Variants in KCNH8 observed in about 807,000 individuals in gnomAD.
The protein encoded by KCNH8 is potassium voltage-gated channel subfamily H member 8.
A neutral mutation model predicts 103.6 loss-of-function variants in KCNH8; 70 were observed. The observed-to-expected ratio is 0.68, with a 90% confidence interval of 0.56 to 0.82. KCNH8 has a LOEUF of 0.82. Among genes scored for constraint, KCNH8 ranks in the 40% least tolerant of loss-of-function variants. The pLI, the probability that KCNH8 is intolerant of heterozygous loss-of-function variation, is 0.00. For synonymous variants in KCNH8, 498 were observed against 489.4 expected, an observed-to-expected ratio of 1.02 and a Z score of -0.23; for missense variants, 1,217 against 1,329.9, an observed-to-expected ratio of 0.92 and a Z score of 1.32.
intron 5 of KCNH8, among the ~76,000 whole-genome samples, chr3:19,365,611 C>A (rs12485979): frequency 6.6e-6 from 1 of 151,886 alleles, no homozygotes; most frequent in African/African-American, 2.4e-5. Context: ...TAAGCAAATA[C>A]GTACTGAGTG....
Position 19,512,236 on chromosome 3 carries a change from T to C in KCNH8, c.2080-734T>C, listed in dbSNP as rs558443594. On this transcript the variant is annotated intron_variant, in intron 12 of 15. Coordinates refer to ENST00000328405, the MANE Select transcript of KCNH8 (RefSeq NM_144633.3). ...GGCCCTTCCATCATCACCTCAATTG[T>C]CTTTTCCCACACTCTTTCTTTCCTC... Among the ~76,000 whole-genome samples, 9 of 152,078 alleles carry C rather than the reference T, an allele frequency of 5.9e-5. No individual in the cohort carries two copies. In the South Asian group the frequency reaches 1.7e-3, roughly 28 times the overall value.
At chr3:19,230,284 A>G (rs1018598288) in intron 1 of KCNH8, among the ~76,000 whole-genome samples, 4 of 152,210 alleles carry the variant, frequency 2.6e-5, no homozygotes, top group Admixed American at 2.0e-4. Context: ...AACTTGTTTT[A>G]ATAATTCAAG....
intron 1 of KCNH8, among the ~76,000 whole-genome samples, chr3:19,153,584 CTCAA>C (rs1368000945): frequency 1.3e-5 from 2 of 151,586 alleles, no homozygotes; most frequent in East Asian, 1.9e-4. Flanking sequence ...TATTCATTCA[CTCAA>C]TCATTTTTCT....
At chr3:19,427,195 A>G (rs2067041849) in intron 7 of KCNH8, among the ~76,000 whole-genome samples, 1 of 152,228 alleles carries the variant, frequency 6.6e-6, no homozygotes. Context: ...TGCTTTTAAA[A>G]AAACCACTGT....
chr3:19,263,101 G>A (rs1260673801), intron 2 of KCNH8, among the ~76,000 whole-genome samples: 1 of 152,030 alleles, frequency 6.6e-6, no homozygotes, highest in Non-Finnish European at 1.5e-5. Context: ...CTGGAGGACA[G>A]CATAAAACTT....
At chr3:19,271,292 A>ACAG (rs1314605178) in intron 2 of KCNH8, among the ~76,000 whole-genome samples, 1 of 152,100 alleles carries the variant, frequency 6.6e-6, no homozygotes, top group Non-Finnish European at 1.5e-5. Flanking sequence ...TTTACAATAA[A>ACAG]CAGTTCCATC....
At chr3:19,484,403 G>A (rs2068159727) in intron 11 of KCNH8, among the ~76,000 whole-genome samples, 1 of 152,200 alleles carries the variant, frequency 6.6e-6, no homozygotes, top group Non-Finnish European at 1.5e-5. Context: ...GGGAAAATCA[G>A]TGGAAGTTTT....
At chr3:19,417,390 T>A (rs2066880253) in intron 7 of KCNH8, among the ~76,000 whole-genome samples, 1 of 151,704 alleles carries the variant, frequency 6.6e-6, no homozygotes, top group Non-Finnish European at 1.5e-5. Flanking sequence ...TGAAATATAA[T>A]AATGGTAGTT....
At chr3:19,203,708 C>A (rs2063685994) in intron 1 of KCNH8, among the ~76,000 whole-genome samples, 1 of 151,932 alleles carries the variant, frequency 6.6e-6, no homozygotes, top group South Asian at 2.1e-4. Context: ...CTTCAAAGTA[C>A]ATAAAGGTGT....
intron 1 of KCNH8, among the ~76,000 whole-genome samples, chr3:19,161,127 A>G (rs62276859): frequency 0.028 from 4,230 of 152,292 alleles, 87 homozygotes; most frequent in Non-Finnish European, 0.043. Flanking sequence ...TCAAACTGCA[A>G]AAGTTACAGC....
chr3:19,228,636 A>C (rs1028129802), intron 1 of KCNH8, among the ~76,000 whole-genome samples: 1 of 152,210 alleles, frequency 6.6e-6, no homozygotes, highest in Non-Finnish European at 1.5e-5. Context: ...CATTTAAAAA[A>C]TGTATCTATG....
At chr3:19,429,388 A>G (rs1159452516) in intron 7 of KCNH8, among the ~76,000 whole-genome samples, 1 of 150,802 alleles carries the variant, frequency 6.6e-6, no homozygotes, top group African/African-American at 2.4e-5. Context: ...GTTAGCCATG[A>G]TGGTCTCCAT....
At chr3:19,348,558 A>G (rs1480700528) in intron 5 of KCNH8, among the ~76,000 whole-genome samples, 2 of 152,044 alleles carry the variant, frequency 1.3e-5, no homozygotes, top group Non-Finnish European at 2.9e-5. Context: ...GTCTGTGCCA[A>G]TCTTGTAAGC....
chr3:19,340,104 A>C (rs889963400), intron 3 of KCNH8, among the ~76,000 whole-genome samples: 1 of 152,104 alleles, frequency 6.6e-6, no homozygotes, highest in Admixed American at 6.6e-5. Flanking sequence ...TAGGATATTT[A>C]TGAGGATCAA....
chr3:19,498,538 A>C (rs1010573634), intron 11 of KCNH8, among the ~76,000 whole-genome samples: 1 of 152,166 alleles, frequency 6.6e-6, no homozygotes, highest in Admixed American at 6.5e-5. Flanking sequence ...TCTTGGTGGA[A>C]AATTATTTTC....
chr3:19,151,788 CT>C (rs2063132898), intron 1 of KCNH8, among the ~76,000 whole-genome samples: 1 of 151,616 alleles, frequency 6.6e-6, no homozygotes, highest in Non-Finnish European at 1.5e-5. Context: ...TTGAAAGACA[CT>C]TGTGGATTAT....
At chr3:19,154,754 T>C (rs2063164754) in intron 1 of KCNH8, among the ~76,000 whole-genome samples, 3 of 152,164 alleles carry the variant, frequency 2.0e-5, no homozygotes, top group Admixed American at 1.3e-4. Context: ...TATTCTAGAG[T>C]TATGTCCTTG....
chr3:19,293,646 C>T (rs1289396252), intron 3 of KCNH8, among the ~76,000 whole-genome samples: 3 of 152,182 alleles, frequency 2.0e-5, no homozygotes, highest in Non-Finnish European at 2.9e-5. Flanking sequence ...TCAGCGATTC[C>T]GTTACATCAC....
chr3:19,514,844 T>C (rs892758933), intron 13 of KCNH8, among the ~76,000 whole-genome samples: 1 of 151,906 alleles, frequency 6.6e-6, no homozygotes, highest in Non-Finnish European at 1.5e-5. Context: ...CCTTAAAGTT[T>C]TGAATCTGAG....
Sources: allele counts gnomAD v4.1 joint callset (sites outside exome capture counted in the v4.1 genomes callset), GRCh38; gene constraint gnomAD v4.1.1; transcripts MANE v1.5; gene names NCBI Gene and HGNC (gene_info 2026-07-23, HGNC 2026-07-21).